CDH13: variants seen among roughly 807,000 people sequenced by gnomAD.
CDH13 encodes the protein cadherin-13.
In CDH13, 24 loss-of-function variants were observed where a neutral mutation model predicts 63.8. The ratio of observed to expected loss-of-function variants is 0.38; its 90% CI spans 0.27 to 0.53. The LOEUF (loss-of-function observed/expected upper bound fraction) is 0.53, where lower values mean the gene tolerates loss of function less well. Among genes scored for constraint, CDH13 ranks in the 20% least tolerant of loss-of-function variants. The probability of loss-of-function intolerance (pLI) is 0.85; values close to 1 mark genes in which losing one functional copy is unlikely to be tolerated. For missense variants in CDH13, 1,049 were observed against 903.1 expected (o/e 1.16, Z -2.07); for synonymous variants, 503 against 355.3 (o/e 1.42, Z -4.67).
intron 6 of CDH13, among the ~76,000 whole-genome samples, chr16:83,368,937 T>TATATATATAC (rs1567622155): frequency 4.8e-4 from 33 of 68,854 alleles, no homozygotes; most frequent in Non-Finnish European, 8.2e-4. Flanking sequence ...TATATATATA[T>TATATATATAC]ACTAGGTTTT....
At chr16:82,941,371 T>C (rs1904284559) in intron 2 of CDH13, among the ~76,000 whole-genome samples, 1 of 152,176 alleles carries the variant, frequency 6.6e-6, no homozygotes, top group African/African-American at 2.4e-5. Flanking sequence ...TGCTCAGTGA[T>C]ATCCATGACA....
intron 2 of CDH13, among the ~76,000 whole-genome samples, chr16:83,009,854 C>T (rs1264630958): frequency 1.3e-5 from 2 of 152,058 alleles, no homozygotes; most frequent in Admixed American, 6.5e-5. Flanking sequence ...ATGGCTCAGG[C>T]CGGGTGCAGT....
intron 4 of CDH13, among the ~76,000 whole-genome samples, chr16:83,166,272 A>T (rs1440831495): frequency 6.6e-6 from 1 of 152,090 alleles, no homozygotes; most frequent in African/African-American, 2.4e-5. Flanking sequence ...ACCAGACCTG[A>T]CTATTTTATG....
intron 2 of CDH13, among the ~76,000 whole-genome samples, chr16:82,922,114 C>G (rs1265723370): frequency 1.3e-5 from 2 of 151,920 alleles, no homozygotes; most frequent in African/African-American, 4.8e-5. Flanking sequence ...GTGGTATGCC[C>G]TTTGTTATTT....
At chr16:83,602,811 C>A (rs1025461379) in intron 8 of CDH13, among the ~76,000 whole-genome samples, 1 of 152,192 alleles carries the variant, frequency 6.6e-6, no homozygotes, top group African/African-American at 2.4e-5. Context: ...AGAACAAGAG[C>A]ACTGAATCTT....
intron 3 of CDH13, among the ~76,000 whole-genome samples, chr16:83,042,446 G>A (rs550504195): frequency 6.2e-4 from 95 of 152,222 alleles, no homozygotes; most frequent in African/African-American, 1.9e-3. Flanking sequence ...CCATCACCCC[G>A]AGACAGGACC....
chr16:83,588,836 C>T (rs1894482214), intron 7 of CDH13, among the ~76,000 whole-genome samples: 1 of 152,202 alleles, frequency 6.6e-6, no homozygotes, highest in African/African-American at 2.4e-5. Flanking sequence ...GGGAAGCTGG[C>T]AGGTGGGCGA....
At chr16:83,413,148 T>C (rs889428006) in intron 6 of CDH13, among the ~76,000 whole-genome samples, 19 of 152,338 alleles carry the variant, frequency 1.2e-4, no homozygotes, top group African/African-American at 4.1e-4. Flanking sequence ...TATAATGTTA[T>C]TGTAATACTC....
intron 1 of CDH13, among the ~76,000 whole-genome samples, chr16:82,664,127 G>T (rs139791635): frequency 6.6e-6 from 1 of 152,228 alleles, no homozygotes; most frequent in Non-Finnish European, 1.5e-5. Flanking sequence ...GACAGTGAAG[G>T]GTTGAGGCAG....
At chr16:82,722,597 G>C (rs1404376312) in intron 1 of CDH13, among the ~76,000 whole-genome samples, 1 of 152,176 alleles carries the variant, frequency 6.6e-6, no homozygotes, top group Non-Finnish European at 1.5e-5. Flanking sequence ...CATGGACCAA[G>C]TATGGAGAGT....
chr16:83,245,479 C>A (rs1331373868), intron 5 of CDH13, among the ~76,000 whole-genome samples: 4 of 152,236 alleles, frequency 2.6e-5, no homozygotes, highest in African/African-American at 7.2e-5. Context: ...AGTGCTGAAG[C>A]CGCACTGGCC....
At chr16:82,841,223 C>A (rs975355935) in intron 1 of CDH13, among the ~76,000 whole-genome samples, 1 of 152,152 alleles carries the variant, frequency 6.6e-6, no homozygotes, top group African/African-American at 2.4e-5. Context: ...GAATGGCAGC[C>A]TCTGCAAGCT....
At chr16:83,612,038 C>A (rs1435604263) in intron 8 of CDH13, among the ~76,000 whole-genome samples, 2 of 151,992 alleles carry the variant, frequency 1.3e-5, no homozygotes, top group Non-Finnish European at 2.9e-5. Flanking sequence ...CCAAGGTTTA[C>A]AATTTTGTTG....
intron 10 of CDH13, among the ~76,000 whole-genome samples, chr16:83,683,850 A>G (rs909267012): frequency 1.1e-4 from 16 of 152,178 alleles, no homozygotes; most frequent in African/African-American, 3.6e-4. Context: ...TCATTTCTAA[A>G]TTGATGTCAC....
intron 7 of CDH13, among the ~76,000 whole-genome samples, chr16:83,524,453 T>C (rs1004217678): frequency 7.5e-4 from 102 of 135,266 alleles, no homozygotes; most frequent in African/African-American, 2.5e-3. Context: ...TTCTTTTTTT[T>C]TTTTTTTTTT....
intron 1 of CDH13, among the ~76,000 whole-genome samples, chr16:82,778,209 A>G (rs1028880931): frequency 1.3e-5 from 2 of 152,148 alleles, no homozygotes; most frequent in East Asian, 3.9e-4. Flanking sequence ...CCCTCCAGAA[A>G]AATCTCTTTT....
intron 2 of CDH13, among the ~76,000 whole-genome samples, chr16:82,866,823 C>T (rs951489221): frequency 8.5e-5 from 13 of 152,106 alleles, no homozygotes; most frequent in African/African-American, 3.1e-4. Flanking sequence ...CTTTATAAAA[C>T]CATCAGTTCT....
At chr16:82,976,943 T>G (rs1309247780) in intron 2 of CDH13, among the ~76,000 whole-genome samples, 1 of 152,192 alleles carries the variant, frequency 6.6e-6, no homozygotes, top group Non-Finnish European at 1.5e-5. Flanking sequence ...GGAGAGGGCC[T>G]GGAACTCTTG....
At chr16:83,347,334 A>G (rs2090860872) in intron 6 of CDH13, among the ~76,000 whole-genome samples, 2 of 92,474 alleles carry the variant, frequency 2.2e-5, no homozygotes, top group African/African-American at 8.5e-5. Flanking sequence ...ACCCACTGGG[A>G]GTAAGGGTGG....
Sources: gnomAD v4.1 joint callset for allele counts (sites outside exome capture counted in the v4.1 genomes callset) on GRCh38, gnomAD v4.1.1 for gene constraint, MANE v1.5 for transcripts, NCBI Gene and HGNC (gene_info 2026-07-23, HGNC 2026-07-21) for gene names.